HLCS: variants seen among roughly 807,000 people sequenced by gnomAD.
HLCS encodes biotin--protein ligase.
A neutral mutation model predicts 75.0 loss-of-function variants in HLCS; 53 were observed. The ratio of observed to expected loss-of-function variants is 0.71; its 90% CI spans 0.57 to 0.89. HLCS has a LOEUF of 0.89. Among genes scored for constraint, HLCS ranks in the 40% least tolerant of loss-of-function variants. HLCS has a pLI of 0.00. For missense variants in HLCS, 966 were observed against 1,074.0 expected (o/e 0.90, Z 1.41); for synonymous variants, 431 against 428.6 (o/e 1.01, Z -0.07).
chr21:36,830,834 A>C (rs1247847149), intron 6 of HLCS, among the ~76,000 whole-genome samples: 1 of 151,220 alleles, frequency 6.6e-6, no homozygotes, highest in Admixed American at 6.6e-5. Flanking sequence ...AAAAAAAAAA[A>C]AAAAAAAAAA....
chr21:36,829,255 A>G (rs2062113644), intron 6 of HLCS, among the ~76,000 whole-genome samples: 1 of 152,174 alleles, frequency 6.6e-6, no homozygotes, highest in Non-Finnish European at 1.5e-5. Flanking sequence ...TTGTATGAGA[A>G]GCACAACCAC....
intron 8 of HLCS, 47 bp from the exon 9 acceptor site, chr21:36,759,888 G>A (rs747942970): frequency 4.1e-6 from 5 of 1,210,932 alleles, no homozygotes; most frequent in Non-Finnish European, 6.2e-6. Flanking sequence ...GGACACAAGG[G>A]GCCCAGGCAA....
At chr21:36,799,249 A>AAGT (rs2061123385) in intron 6 of HLCS, among the ~76,000 whole-genome samples, 1 of 152,178 alleles carries the variant, frequency 6.6e-6, no homozygotes, top group Non-Finnish European at 1.5e-5. Context: ...TCAATGGTTC[A>AAGT]AGTACCATTT....
chr21:36,815,496 A>G (rs2061636376), intron 6 of HLCS, among the ~76,000 whole-genome samples: 1 of 152,260 alleles, frequency 6.6e-6, no homozygotes, highest in African/African-American at 2.4e-5. Context: ...CAAAAGCAGC[A>G]AACAGTTTTA....
intron 5 of HLCS, among the ~76,000 whole-genome samples, chr21:36,897,736 G>C (rs972851793): frequency 5.3e-5 from 8 of 152,180 alleles, no homozygotes; most frequent in African/African-American, 1.7e-4. Flanking sequence ...CCAAATGGAG[G>C]TACAAGGAGG....
At chr21:36,905,945 G>A (rs1445375067) in intron 5 of HLCS, among the ~76,000 whole-genome samples, 1 of 151,456 alleles carries the variant, frequency 6.6e-6, no homozygotes, top group Non-Finnish European at 1.5e-5. Flanking sequence ...AGGTACTTGG[G>A]AGGCTGAGAC....
chr21:36,930,222 C>G, intron 5 of HLCS, 29 bp downstream of exon 5: 1 of 1,597,026 alleles, frequency 6.3e-7, no homozygotes, highest in Non-Finnish European at 8.6e-7. Context: ...CGTCACAGCG[C>G]GCTCTGCCCA....
intron 1 of HLCS, among the ~76,000 whole-genome samples, chr21:36,982,029 G>A (rs1224638814): frequency 1.3e-5 from 2 of 152,000 alleles, no homozygotes; most frequent in East Asian, 3.9e-4. Flanking sequence ...TATCACTGCT[G>A]GGGTTTCTCA....
At chr21:36,761,926 G>A (rs942323894) in intron 8 of HLCS, among the ~76,000 whole-genome samples, 2 of 152,244 alleles carry the variant, frequency 1.3e-5, no homozygotes, top group Non-Finnish European at 2.9e-5. Flanking sequence ...GGCGGGCCCT[G>A]CACTTGGGCT....
At chr21:36,928,120 C>T (rs1021956285) in intron 5 of HLCS, among the ~76,000 whole-genome samples, 5 of 152,214 alleles carry the variant, frequency 3.3e-5, no homozygotes, top group African/African-American at 1.2e-4. Flanking sequence ...AGGAATTCAG[C>T]TGCCTCCGGA....
At chr21:36,887,681 G>T (rs1458503775) in intron 6 of HLCS, among the ~76,000 whole-genome samples, 3 of 152,100 alleles carry the variant, frequency 2.0e-5, no homozygotes, top group Admixed American at 2.0e-4. Flanking sequence ...TAAAATGAAG[G>T]TTTCTTAAAA....
chr21:36,944,989 A>G (rs1361852120), intron 2 of HLCS, among the ~76,000 whole-genome samples: 1 of 152,084 alleles, frequency 6.6e-6, no homozygotes, highest in Non-Finnish European at 1.5e-5. Context: ...GCATGGTGAC[A>G]GGCGCCTGTA....
chr21:36,872,809 T>C (rs565616936), intron 6 of HLCS, among the ~76,000 whole-genome samples: 6 of 152,342 alleles, frequency 3.9e-5, no homozygotes, highest in South Asian at 2.1e-4. Flanking sequence ...CAAGTCTGCA[T>C]AGACATGTAT....
intron 6 of HLCS, among the ~76,000 whole-genome samples, chr21:36,769,636 T>C (rs763474616): frequency 2.4e-4 from 36 of 152,230 alleles, no homozygotes; most frequent in Admixed American, 5.9e-4. Context: ...AAAGCGGCAC[T>C]CAGGAAAAGC....
At chr21:36,765,795 C>T (rs534596845) in intron 7 of HLCS, among the ~76,000 whole-genome samples, 11 of 152,156 alleles carry the variant, frequency 7.2e-5, no homozygotes, top group East Asian at 5.8e-4. Flanking sequence ...TTAAGGTGCC[C>T]GCCACCATTC....
chr21:36,768,235 G>T (rs1015852525), intron 6 of HLCS, among the ~76,000 whole-genome samples: 7 of 152,214 alleles, frequency 4.6e-5, no homozygotes, highest in African/African-American at 1.2e-4. Context: ...TTTCTTTCTT[G>T]GAAGGAGGGG....
At chr21:36,980,163 G>A (rs531669540) in intron 1 of HLCS, among the ~76,000 whole-genome samples, 1 of 147,724 alleles carries the variant, frequency 6.8e-6, no homozygotes, top group East Asian at 2.0e-4. Flanking sequence ...ACTCCATCCA[G>A]CCTGAGCAAT....
chr21:36,877,876 C>T (rs2064045317), intron 6 of HLCS, among the ~76,000 whole-genome samples: 1 of 152,086 alleles, frequency 6.6e-6, no homozygotes, highest in Admixed American at 6.6e-5. Flanking sequence ...GTTTATCTTC[C>T]TTGAGCCCTC....
At chr21:36,798,745 G>GT (rs1470432054) in intron 6 of HLCS, among the ~76,000 whole-genome samples, 2 of 152,168 alleles carry the variant, frequency 1.3e-5, no homozygotes, top group Admixed American at 1.3e-4. Flanking sequence ...ATGTGAAGTG[G>GT]TATCTTATCA....
Sources: allele counts gnomAD v4.1 joint callset (sites outside exome capture counted in the v4.1 genomes callset), GRCh38; gene constraint gnomAD v4.1.1; transcripts MANE v1.5; gene names NCBI Gene and HGNC (gene_info 2026-07-23, HGNC 2026-07-21).